Variants in PSMA4 observed in about 807,000 individuals in gnomAD.
PSMA4 encodes proteasome subunit alpha type-4.
In PSMA4, 8 loss-of-function variants were observed where a neutral mutation model predicts 37.2. That is an observed-to-expected ratio of 0.22 (90% CI 0.13 to 0.39). The LOEUF (loss-of-function observed/expected upper bound fraction) is 0.39, where lower values mean the gene tolerates loss of function less well. PSMA4 is among the 10% of genes least tolerant of loss of function. The pLI is 1.00. For synonymous variants in PSMA4, 93 were observed against 98.8 expected (o/e 0.94, Z 0.35); for missense variants, 169 against 305.1 (o/e 0.55, Z 3.32).
rs1390979241 is a variant in PSMA4, at chr15:78,551,024, G to A, written c.*2080G>A. On this transcript the variant is annotated 3_prime_UTR_variant, in exon 9 of 9. Coordinates refer to ENST00000044462, the MANE Select transcript of PSMA4 (RefSeq NM_002789.6). ...ATAAATCTTATTAACTCTGTCTGCA[G>A]AATTTACCCATAATCCAGCCACTTT... 1 of 152,174 alleles carries A rather than the reference G, an allele frequency of 6.6e-6. No homozygotes were observed. Among genetic ancestry groups the A allele is most frequent in the African/African-American group, 2.4e-5 (1 of 41,428 alleles). 9.4% of individuals were successfully genotyped at this position (152,174 alleles called of 1,614,324 possible). A position where few individuals can be genotyped will look rare whatever the true frequency, so the allele number is the denominator to read the frequency against.
chr15:78,546,254 G>A (rs1160655035), intron 7 of PSMA4, among the ~76,000 whole-genome samples: 1 of 152,040 alleles, frequency 6.6e-6, no homozygotes. Context: ...GACCAGCCTG[G>A]GCAACATAGC....
chr15:78,540,715 G>T (rs1311317360), intron 1 of PSMA4, 176 bp downstream of exon 1: 2 of 152,308 alleles, frequency 1.3e-5, no homozygotes, highest in African/African-American at 4.8e-5. Context: ...GCCCCCGCCG[G>T]CCGCCGTCGG....
At chr15:78,545,290 C>T (rs1351883725) in intron 6 of PSMA4, among the ~76,000 whole-genome samples, 1 of 152,166 alleles carries the variant, frequency 6.6e-6, no homozygotes, top group Admixed American at 6.5e-5. Context: ...TACATTCTTG[C>T]TTCATGAATG....
chr15:78,542,111 T>G (rs994768787), intron 2 of PSMA4, 66 bp from the exon 3 acceptor site: 2 of 1,529,872 alleles, frequency 1.3e-6, no homozygotes, highest in East Asian at 2.2e-5. Flanking sequence ...TAAGATCATT[T>G]GTAGGCTTGC....
rs2141382702 is a variant in PSMA4 at position 78,550,956 on chromosome 15, C to T, written c.*2012C>T. On this transcript the variant is annotated 3_prime_UTR_variant, in exon 9 of 9. Coordinates refer to ENST00000044462, the MANE Select transcript of PSMA4 (RefSeq NM_002789.6). ...CAAGTAGTGAAGATGAATGGCACGT[C>T]TTCACCCTCCAGTCTTGCTACACCC... 6.6e-6 allele frequency: 1 copy of T among 152,294 alleles called. No homozygotes were observed. Among genetic ancestry groups the T allele is most frequent in the East Asian group, 1.9e-4 (1 of 5,180 alleles). 9.4% of individuals were successfully genotyped at this position (152,294 alleles called of 1,614,324 possible). A position where few individuals can be genotyped will look rare whatever the true frequency, so the allele number is the denominator to read the frequency against.
At chr15:78,541,578 T>C in intron 1 of PSMA4, 1 of 333,410 alleles carries the variant, frequency 3.0e-6, no homozygotes, top group Non-Finnish European at 5.6e-6. Context: ...CTCAGCCTTA[T>C]TTCTGCCTCT....
chr15:78,540,982 G>C (rs1007875067), intron 1 of PSMA4: 1 of 152,364 alleles, frequency 6.6e-6, no homozygotes, highest in Non-Finnish European at 1.5e-5. Context: ...CTGCTTCTCT[G>C]CTCTGTGCCA....
intron 8 of PSMA4, among the ~76,000 whole-genome samples, chr15:78,547,696 C>G (rs561469262): frequency 3.3e-5 from 5 of 151,422 alleles, no homozygotes; most frequent in Admixed American, 6.6e-5. Flanking sequence ...ATTAGCTAGG[C>G]ATGGTGGTGC....
chr15:78,545,090 A>T (rs1396375345), intron 6 of PSMA4, 133 bp downstream of exon 6: 5 of 585,098 alleles, frequency 8.5e-6, no homozygotes, highest in Non-Finnish European at 1.5e-5. Context: ...ATTGGCAAAT[A>T]AGAATTGTAC....
At chr15:78,545,048 C>T in intron 6 of PSMA4, 91 bp downstream of exon 6, 1 of 757,688 alleles carries the variant, frequency 1.3e-6, no homozygotes, top group South Asian at 2.2e-5. Flanking sequence ...TGAAAATAGA[C>T]CCTTTGTTTT....
intron 6 of PSMA4, 116 bp downstream of exon 6, chr15:78,545,073 T>C (rs1434342253): frequency 3.2e-6 from 2 of 625,402 alleles, no homozygotes; most frequent in Non-Finnish European, 5.3e-6. Context: ...TAAATTTAAT[T>C]TTTTTAATTG....
chr15:78,542,747 T>C, intron 4 of PSMA4, 102 bp downstream of exon 4: 1 of 1,156,762 alleles, frequency 8.6e-7, no homozygotes, highest in African/African-American at 1.6e-5. Context: ...GTGGTAGAAT[T>C]GAAATTGTGC....
At position 78,551,546 on chromosome 15, in the gene PSMA4, A is replaced by G. The variant is rs1191311131; in HGVS notation, c.*2602A>G. ...CACTCACATTTTCTATTCCCTATAC[A>G]TACCCTGTTGAGTTTTTCTCCATAG... On this transcript the variant is annotated 3_prime_UTR_variant, in exon 9 of 9. Transcript: ENST00000044462. 2 of 151,652 alleles carry G rather than the reference A, an allele frequency of 1.3e-5. No homozygotes were observed. The highest frequency in any genetic ancestry group is 4.9e-5 in the African/African-American group (2 of 41,202). 9.4% of individuals were successfully genotyped at this position (151,652 alleles called of 1,614,324 possible).
At chr15:78,548,448 A>G (rs1304615465) in intron 8 of PSMA4, among the ~76,000 whole-genome samples, 1 of 152,078 alleles carries the variant, frequency 6.6e-6, no homozygotes, top group Non-Finnish European at 1.5e-5. Flanking sequence ...TGTTATTACC[A>G]GTTGAAGATT....
At chr15:78,546,552 C>A in intron 7 of PSMA4, 23 bp from the exon 8 acceptor site, 1 of 1,558,576 alleles carries the variant, frequency 6.4e-7, no homozygotes, top group Non-Finnish European at 8.6e-7. Flanking sequence ...ACTTAAAATT[C>A]TATGTTGATT....
At chr15:78,542,775 CCT>C (rs2141373597) in intron 4 of PSMA4, 130 bp downstream of exon 4, 2 of 858,072 alleles carry the variant, frequency 2.3e-6, no homozygotes, top group Admixed American at 5.7e-5. Flanking sequence ...TTGCTTGAAA[CCT>C]CTTTGAGGCC....
intron 8 of PSMA4, among the ~76,000 whole-genome samples, chr15:78,547,361 T>C (rs1476530671): frequency 6.6e-6 from 1 of 152,216 alleles, no homozygotes; most frequent in Non-Finnish European, 1.5e-5. Flanking sequence ...TGTGTATATA[T>C]GATAAAGCAT....
At chr15:78,548,356 A>G (rs1360656863) in intron 8 of PSMA4, among the ~76,000 whole-genome samples, 1 of 152,152 alleles carries the variant, frequency 6.6e-6, no homozygotes, top group Non-Finnish European at 1.5e-5. Flanking sequence ...CCCTTTAGGT[A>G]TCAGTCTGCT....
Position 78,549,001 on chromosome 15 carries a change from T to C in PSMA4, c.*57T>C. On this transcript the variant is annotated 3_prime_UTR_variant, in exon 9 of 9. Coordinates refer to ENST00000044462, the MANE Select transcript of PSMA4 (RefSeq NM_002789.6). ...CATTTCAGTGTAAAAGCAGTCCTACTCTTCCACACTAGGAAGGCTTTACTT... is the reference window on the plus strand; with the variant it reads ...CATTTCAGTGTAAAAGCAGTCCTACCCTTCCACACTAGGAAGGCTTTACTT... 3 of 1,540,974 alleles carry C rather than the reference T, an allele frequency of 1.9e-6. No individual in the cohort carries two copies. The highest frequency in any genetic ancestry group is 2.6e-6 in the Non-Finnish European group (3 of 1,148,906).
Sources: gnomAD v4.1 joint callset for allele counts (sites outside exome capture counted in the v4.1 genomes callset) on GRCh38, gnomAD v4.1.1 for gene constraint, MANE v1.5 for transcripts, NCBI Gene and HGNC (gene_info 2026-07-23, HGNC 2026-07-21) for gene names.